RASA3: variants seen among roughly 807,000 people sequenced by gnomAD.
RASA3 encodes RAS p21 protein activator 3.
A neutral mutation model predicts 110.0 loss-of-function variants in RASA3; 73 were observed. That is an observed-to-expected ratio of 0.66 (90% confidence interval 0.55 to 0.81). The LOEUF (loss-of-function observed/expected upper bound fraction) is 0.81. Ranked by LOEUF, RASA3 falls within the 30% of genes least tolerant of loss-of-function variation. The pLI is 0.00. For missense variants in RASA3, 976 were observed against 1,113.2 expected, an observed-to-expected ratio of 0.88 and a Z score of 1.75; for synonymous variants, 500 against 451.4, an observed-to-expected ratio of 1.11 and a Z score of -1.37.
intron 21 of RASA3, among the ~76,000 whole-genome samples, 185 bp from the exon 22 acceptor site, chr13:113,992,773 C>T (rs2053149404): frequency 6.6e-6 from 1 of 152,236 alleles, no homozygotes; most frequent in African/African-American, 2.4e-5. Flanking sequence ...GCAAGGCTGA[C>T]AGCGTCCACA....
At position 114,015,219 on chromosome 13, in the gene RASA3, C is replaced by G; in HGVS notation, c.1395G>C (p.Lys465Asn). The change falls in exon 14 of 24, where the codon AAG becomes AAC. Residue 465 changes from lysine to asparagine, a missense_variant. Transcript: ENST00000334062. The part of the protein sequence containing the change: ...IFFSLREAAA[K>N]RFQDDPDVRY... ...GTTCAGGGCACTCACCCTGGAAGCGCTTGGCCGCCGCCTCCCGGAGGGAGA... is the reference window on the plus strand; with the variant it reads ...GTTCAGGGCACTCACCCTGGAAGCGGTTGGCCGCCGCCTCCCGGAGGGAGA... 6.2e-7 allele frequency: 1 copy of G among 1,613,062 alleles called. No homozygotes were observed. The highest frequency in any genetic ancestry group is 1.1e-5 in the South Asian group (1 of 91,084).
At chr13:114,017,906 C>G (rs2139301236) in intron 11 of RASA3, among the ~76,000 whole-genome samples, 198 bp downstream of exon 11, 1 of 149,198 alleles carries the variant, frequency 6.7e-6, no homozygotes, top group East Asian at 2.0e-4. Context: ...CCCGGGATTT[C>G]AAAGGCAAAT....
At chr13:114,041,811 A>G (rs978081526) in intron 3 of RASA3, among the ~76,000 whole-genome samples, 3 of 152,190 alleles carry the variant, frequency 2.0e-5, no homozygotes, top group African/African-American at 4.8e-5. Flanking sequence ...CTGTGCCTCT[A>G]AAGTGTAATG....
intron 16 of RASA3, 46 bp from the exon 17 acceptor site, chr13:114,009,510 GCTCA>G (rs762568107): frequency 1.5e-5 from 19 of 1,285,254 alleles, no homozygotes; most frequent in Non-Finnish European, 2.1e-5. Flanking sequence ...AAGTACCTCG[GCTCA>G]CGGCCCAAAT....
intron 1 of RASA3, among the ~76,000 whole-genome samples, chr13:114,097,792 C>T (rs1357934753): frequency 6.6e-6 from 1 of 152,180 alleles, no homozygotes; most frequent in South Asian, 2.1e-4. Context: ...AGTGGGCAGC[C>T]GACAGGACGG....
chr13:114,099,028 CCCGG>C lies in RASA3; in HGVS notation c.56-25195_56-25192del. ...GCCCCCCAGACCACAGCAGTCGGGG[CCCGG>C]CCACCCGAGCCCCCCAGACCACAGC... On this transcript the variant is annotated intron_variant, in intron 1 of 23. Transcript: ENST00000334062. Among the ~76,000 whole-genome samples, 2 of 24,216 alleles carry C rather than the reference CCCGG, an allele frequency of 8.3e-5. 1 individual carries two copies. The highest frequency in any genetic ancestry group is 6.3e-4 in the Admixed American group (2 of 3,194). 15.9% of individuals were successfully genotyped at this position (24,216 alleles called of 152,430 possible).
chr13:114,021,578 C>A, intron 8 of RASA3, 70 bp from the exon 9 acceptor site: 1 of 1,259,252 alleles, frequency 7.9e-7, no homozygotes, highest in Non-Finnish European at 1.1e-6. Context: ...TGACAGGCCA[C>A]GCTTTGTTCC....
chr13:114,018,245 G>A lies in RASA3; in HGVS notation c.950C>T (p.Ser317Leu), dbSNP rs1352122441. 2.6e-6 allele frequency: 4 copies of A among 1,551,854 alleles called. No homozygotes were observed. The highest frequency in any genetic ancestry group is 3.5e-6 in the Non-Finnish European group (4 of 1,148,182). Reference sequence around the variant, plus strand: ...GCCCAGGATGTGGGCCGCAGACGCTGACACGGGCTGCGGGGAGGGGTGAGG... The same window carrying A: ...GCCCAGGATGTGGGCCGCAGACGCTAACACGGGCTGCGGGGAGGGGTGAGG... ...LLKSADVEPV[S>L]ASAAHILGEV... is the part of the protein sequence containing the mutation. Residue 317 changes from serine to leucine, a missense_variant, in exon 11 of 24, where the codon TCA (serine) becomes TTA (leucine). By Grantham distance (145) the Ser-to-Leu change is moderately radical. Coordinates refer to ENST00000334062, the MANE Select transcript of RASA3 (RefSeq NM_007368.4).
chr13:114,000,792 A>C (rs1353714589), intron 19 of RASA3, 34 bp downstream of exon 19: 2 of 1,477,784 alleles, frequency 1.4e-6, no homozygotes, highest in Non-Finnish European at 1.9e-6. Context: ...AGCACGCTCC[A>C]GCAAGAGCCA....
In RASA3 at chr13:114,014,720, C is replaced by A. The variant is rs1319124085; in HGVS notation, c.1405+489G>T. ...TTGGGGGTTTGAAGAAAGGGCAGCT[C>A]CCCCAGGGGTCCTGTCTCTTCGAAG... On this transcript the variant is annotated intron_variant, in intron 14 of 23. Coordinates refer to ENST00000334062, the MANE Select transcript of RASA3 (RefSeq NM_007368.4). The surrounding 1 kb of genome is among the most constrained non-coding windows in gnomAD (Gnocchi z 4.5). Among the ~76,000 whole-genome samples, 1 of 152,126 alleles carries A rather than the reference C, an allele frequency of 6.6e-6. No homozygotes were observed. Among genetic ancestry groups the A allele is most frequent in the Non-Finnish European group, 1.5e-5 (1 of 67,984 alleles).
intron 3 of RASA3, among the ~76,000 whole-genome samples, chr13:114,047,003 G>A (rs576957333): frequency 6.6e-6 from 1 of 152,232 alleles, no homozygotes; most frequent in Non-Finnish European, 1.5e-5. Flanking sequence ...CCACAACCGT[G>A]GAATAGGCAA....
At chr13:114,018,354 G>T in intron 10 of RASA3, 102 bp from the exon 11 acceptor site, 1 of 1,363,584 alleles carries the variant, frequency 7.3e-7, no homozygotes, top group Non-Finnish European at 9.8e-7. Flanking sequence ...CAATAGATAC[G>T]GCTCTTTGCT....
rs542421940 is a variant in RASA3 at position 114,092,434 on chromosome 13, G to A, written c.56-18597C>T. The stretch of plus-strand genomic sequence containing the variant: ...TTCTTCCCTGACCCACTGGTCATTC[G>A]GGAGCATGTTGTTTAATTTCCATGT... On this transcript the variant is annotated intron_variant, in intron 1 of 23. Coordinates refer to ENST00000334062, the MANE Select transcript of RASA3 (RefSeq NM_007368.4). Among the ~76,000 whole-genome samples the A allele has an allele frequency of 3.3e-5, 5 of 152,172 alleles. No individual in the cohort carries two copies. In the South Asian group the frequency reaches 6.2e-4, roughly 19 times the overall value.
At chr13:114,094,751 T>C (rs74116472) in intron 1 of RASA3, among the ~76,000 whole-genome samples, 10,470 of 152,326 alleles carry the variant, frequency 0.069, 405 homozygotes, top group Middle Eastern at 0.12. Flanking sequence ...TTAGAGCTTA[T>C]ATTTAATTGT....
intron 1 of RASA3, among the ~76,000 whole-genome samples, chr13:114,109,854 CA>C (rs2080192997): frequency 1.3e-5 from 2 of 152,208 alleles, no homozygotes; most frequent in Non-Finnish European, 1.5e-5. Flanking sequence ...CTCGCGGCGG[CA>C]CGAGACTCAG....
chr13:113,979,812 A>G (rs909137964), intron 23 of RASA3, among the ~76,000 whole-genome samples: 2 of 152,106 alleles, frequency 1.3e-5, no homozygotes, highest in Non-Finnish European at 2.9e-5. Context: ...GACACTCAGC[A>G]GGCGTGGGCA....
intron 23 of RASA3, among the ~76,000 whole-genome samples, chr13:113,980,661 G>A (rs11617831): frequency 0.3 from 45,408 of 152,232 alleles, 7,508 homozygotes; most frequent in Non-Finnish European, 0.37. Flanking sequence ...CCAGAAGGGT[G>A]TCGAGAGGGA....
intron 1 of RASA3, among the ~76,000 whole-genome samples, chr13:114,129,771 G>A (rs2080494247): frequency 6.6e-6 from 1 of 152,158 alleles, no homozygotes; most frequent in Non-Finnish European, 1.5e-5. Flanking sequence ...TTTGCAAACG[G>A]AAAAATGAGG....
rs375379977 is a variant in RASA3, at chr13:114,132,408, G to A, written c.55+27C>T. The stretch of plus-strand genomic sequence containing the variant: ...AGGACAGGGTCGGGCCGGGGGGTCG[G>A]ACGCGTGGCTGCCGGCGGACACTCA... On this transcript the variant is annotated intron_variant, in intron 1 of 23. Coordinates refer to ENST00000334062, the MANE Select transcript of RASA3 (RefSeq NM_007368.4). 1.1e-4 allele frequency: 172 copies of A among 1,506,492 alleles called. No homozygotes were observed. In the African/African-American group the frequency reaches 2.3e-3, roughly 20 times the overall value. 93.3% of individuals were successfully genotyped at this position (1,506,492 alleles called of 1,614,324 possible).
Sources: allele counts gnomAD v4.1 joint callset (sites outside exome capture counted in the v4.1 genomes callset), GRCh38; gene constraint gnomAD v4.1.1; non-coding constraint Gnocchi (gnomAD v3.1); transcripts MANE v1.5; gene names NCBI Gene and HGNC (gene_info 2026-07-23, HGNC 2026-07-21).